ITPR3: variants seen among roughly 807,000 people sequenced by gnomAD.
The protein encoded by ITPR3 is inositol 1,4,5-trisphosphate receptor type 3.
ITPR3 carries 173 observed loss-of-function variants against 293.2 expected under a neutral mutation model. That is an observed-to-expected ratio of 0.59 (90% CI 0.52 to 0.67). ITPR3 has a LOEUF of 0.67. Among genes scored for constraint, ITPR3 ranks in the 30% least tolerant of loss-of-function variants. ITPR3 has a pLI of 0.00. For synonymous variants in ITPR3, 1,295 were observed against 1,444.4 expected (o/e 0.90, Z 2.35); for missense variants, 2,796 against 3,592.1 (o/e 0.78, Z 5.66).
intron 57 of ITPR3, 139 bp downstream of exon 57, chr6:33,695,224 C>T: frequency 1.1e-6 from 1 of 897,944 alleles, no homozygotes; most frequent in South Asian, 1.7e-5. Flanking sequence ...GTGCCAAACC[C>T]ACTCTCCCCT....
chr6:33,684,198 C>T lies in ITPR3; in HGVS notation c.4937+30C>T. On this transcript the variant is annotated intron_variant, in intron 36 of 57. Transcript: ENST00000605930. This position sits in a 1 kb window ranked among gnomAD's most constrained non-coding sequence, Gnocchi z 4.2. ...GCGAGACACTGGGGCATGGGGGCAG[C>T]AGGGGTGCAGCGGCAGGGGACAGAG... 6.2e-7 allele frequency: 1 copy of T among 1,605,812 alleles called. No homozygotes were observed. Among genetic ancestry groups the T allele is most frequent in the South Asian group, 1.1e-5 (1 of 90,776 alleles).
rs1764996628 is a variant in ITPR3, at chr6:33,679,104, C to T, written c.3972+265C>T. Among the ~76,000 whole-genome samples, 1 of 152,232 alleles carries T rather than the reference C, an allele frequency of 6.6e-6. No homozygotes were observed. The highest frequency in any genetic ancestry group is 1.5e-5 in the Non-Finnish European group (1 of 68,044). ...GACAACAGGCCAGAAAGAAATCAAG[C>T]ATGCATTCCTTGTCACTTGTCGTCG... On this transcript the variant is annotated intron_variant, in intron 30 of 57. Coordinates refer to ENST00000605930, the MANE Select transcript of ITPR3 (RefSeq NM_002224.4). The surrounding 1 kb of genome is among the most constrained non-coding windows in gnomAD (Gnocchi z 4.2).
Position 33,666,030 on chromosome 6 carries a change from T to A in ITPR3, c.1551+54T>A. 1 of 1,537,500 alleles carries A rather than the reference T, an allele frequency of 6.5e-7. No homozygotes were observed. Among genetic ancestry groups the A allele is most frequent in the Non-Finnish European group, 8.8e-7 (1 of 1,136,004 alleles). The stretch of plus-strand genomic sequence containing the variant: ...AGGGGCCGGGTGCCCGGGAGAGGGA[T>A]GCCTTCAACTGCAGGCTCATCCCCC... On this transcript the variant is annotated intron_variant, in intron 14 of 57. Transcript: ENST00000605930. This position sits in a 1 kb window ranked among gnomAD's most constrained non-coding sequence, Gnocchi z 5.1.
At chr6:33,637,776 C>G (rs548696181) in intron 1 of ITPR3, among the ~76,000 whole-genome samples, 3 of 150,882 alleles carry the variant, frequency 2.0e-5, no homozygotes, top group African/African-American at 7.3e-5. Context: ...TACAAGAGTG[C>G]GTGTGCCACC....
intron 2 of ITPR3, among the ~76,000 whole-genome samples, chr6:33,650,987 G>T (rs1340762394): frequency 6.6e-6 from 1 of 152,120 alleles, no homozygotes; most frequent in Non-Finnish European, 1.5e-5. Context: ...GAAAAGTCTG[G>T]TTTGAGTTGC....
chr6:33,693,764 CTGTGCACCAGAG>C, intron 56 of ITPR3, 59 bp downstream of exon 56: 1 of 1,583,272 alleles, frequency 6.3e-7, no homozygotes, highest in Non-Finnish European at 8.6e-7. Flanking sequence ...AGAGTCATCA[CTGTGCACCAGAG>C]GCCTCATGGT....
intron 23 of ITPR3, 92 bp from the exon 24 acceptor site, chr6:33,674,116 G>A: frequency 6.9e-7 from 1 of 1,457,732 alleles, no homozygotes; most frequent in Non-Finnish European, 9.5e-7. Context: ...TGCAGCCAGT[G>A]CAGGGAAGAG....
intron 1 of ITPR3, among the ~76,000 whole-genome samples, chr6:33,630,858 G>C (rs1763661694): frequency 6.6e-6 from 1 of 152,188 alleles, no homozygotes; most frequent in Non-Finnish European, 1.5e-5. Context: ...ATACTGTCTG[G>C]CCCCCCGTTG....
In ITPR3 at chr6:33,658,396, T is replaced by C. The variant is rs1488616295; in HGVS notation, c.370-274T>C. ...GTAATAGTACTTCCCTCTTGGATCG[T>C]TGTAGGTTACTTGAGCTAATCTATG... On this transcript the variant is annotated intron_variant, in intron 4 of 57. Transcript: ENST00000605930. The surrounding 1 kb of genome is among the most constrained non-coding windows in gnomAD (Gnocchi z 6.1). Among the ~76,000 whole-genome samples, 2 of 152,240 alleles carry C rather than the reference T, an allele frequency of 1.3e-5. No individual in the cohort carries two copies. Among genetic ancestry groups the C allele is most frequent in the Non-Finnish European group, 2.9e-5 (2 of 68,030 alleles).
chr6:33,691,660 C>T lies in ITPR3; in HGVS notation c.7271C>T (p.Thr2424Ile). 1 of 1,613,992 alleles carries T rather than the reference C, an allele frequency of 6.2e-7. No homozygotes were observed. The highest frequency in any genetic ancestry group is 8.5e-7 in the Non-Finnish European group (1 of 1,179,982). ...CATGGAGCTGCTGCATTTGTGGACA[C>T]CTGCAGTGGGGACAAGATGGACTGT... ...MPHGAAAFVD[T>I]CSGDKMDCVS... Residue 2424 changes from threonine to isoleucine, a missense_variant, in exon 53 of 58, where the codon ACC becomes ATC. This residue lies in a region of ITPR3 where 568 missense variants were observed against 796.1 expected (regional missense o/e 0.71). Transcript: ENST00000605930. The surrounding 1 kb of genome is among the most constrained non-coding windows in gnomAD (Gnocchi z 4.9).
At chr6:33,657,810 G>GGTGACT (rs1269717484) in intron 3 of ITPR3, 122 bp from the exon 4 acceptor site, 1 of 749,268 alleles carries the variant, frequency 1.3e-6, no homozygotes, top group Admixed American at 2.1e-5. Flanking sequence ...TGGAGTCCAG[G>GGTGACT]GTGACTGTGT....
In ITPR3 at chr6:33,632,669, C is replaced by T. The variant is rs1265702268; in HGVS notation, c.90-7815C>T. Among the ~76,000 whole-genome samples, 2 of 152,248 alleles carry T rather than the reference C, an allele frequency of 1.3e-5. No individual in the cohort carries two copies. Among genetic ancestry groups the T allele is most frequent in the African/African-American group, 2.4e-5 (1 of 41,464 alleles). On this transcript the variant is annotated intron_variant, in intron 1 of 57. Coordinates refer to ENST00000605930, the MANE Select transcript of ITPR3 (RefSeq NM_002224.4). The surrounding 1 kb of genome is among the most constrained non-coding windows in gnomAD (Gnocchi z 4.1). Reference sequence around the variant, plus strand: ...CTGCCCACAGGCCTCCAGCCAGGACCCTTTCCCTGTAGCCCCATCCTCCTG... The same window carrying T: ...CTGCCCACAGGCCTCCAGCCAGGACTCTTTCCCTGTAGCCCCATCCTCCTG...
At position 33,691,956 on chromosome 6, in the gene ITPR3, T is replaced by C. The variant is rs2127321930; in HGVS notation, c.7458+28T>C. 6.2e-7 allele frequency: 1 copy of C among 1,612,792 alleles called. No homozygotes were observed. The highest frequency in any genetic ancestry group is 2.2e-5 in the East Asian group (1 of 44,880). On this transcript the variant is annotated intron_variant, in intron 54 of 57. Coordinates refer to ENST00000605930, the MANE Select transcript of ITPR3 (RefSeq NM_002224.4). The surrounding 1 kb of genome is among the most constrained non-coding windows in gnomAD (Gnocchi z 4.9). ...GAGCACTCCTGCCCACTCCCAAACC[T>C]GTGGGGCCCAAGCCACTGTCCAGAT...
chr6:33,693,531 C>G lies in ITPR3; in HGVS notation c.7625-14C>G. 3.1e-6 allele frequency: 5 copies of G among 1,613,434 alleles called. No individual in the cohort carries two copies. The highest frequency in any genetic ancestry group is 2.5e-6 in the Non-Finnish European group (3 of 1,179,570). On this transcript the variant is annotated splice_polypyrimidine_tract_variant and intron_variant, in intron 55 of 57. Transcript: ENST00000605930. ...GAAGGCTGATGGTTTCATTCCCGCC[C>G]TCTGCACCCTCAGGTCTGGAGAGGG...
At chr6:33,639,354 G>A (rs923260897) in intron 1 of ITPR3, among the ~76,000 whole-genome samples, 2 of 149,202 alleles carry the variant, frequency 1.3e-5, no homozygotes, top group African/African-American at 5.0e-5. Flanking sequence ...ACTCCAGTCT[G>A]GTCGACAGAG....
chr6:33,673,451 G>A (rs1053773159), intron 22 of ITPR3, 140 bp from the exon 23 acceptor site: 27 of 1,058,422 alleles, frequency 2.6e-5, no homozygotes, highest in Non-Finnish European at 3.5e-5. Flanking sequence ...CCAAATGACT[G>A]TGCTGAGGAC....
At position 33,672,005 on chromosome 6, in the gene ITPR3, C is replaced by T. The variant is rs992362820; in HGVS notation, c.2729-24C>T. On this transcript the variant is annotated intron_variant, in intron 21 of 57. Coordinates refer to ENST00000605930, the MANE Select transcript of ITPR3 (RefSeq NM_002224.4). This position sits in a 1 kb window ranked among gnomAD's most constrained non-coding sequence, Gnocchi z 5.0. The stretch of plus-strand genomic sequence containing the variant: ...ACAGCCTCTACAACCTCCTTGGCAA[C>T]CTCCTCTGCTTCCCCCTCCACAGGC... The T allele has an allele frequency of 2.7e-5, 42 of 1,575,362 alleles. No homozygotes were observed. The highest frequency in any genetic ancestry group is 3.5e-5 in the Non-Finnish European group (41 of 1,159,584).
rs1763513585 is a variant in ITPR3 at position 33,624,677 on chromosome 6, A to G, written c.89+2986A>G. On this transcript the variant is annotated intron_variant, in intron 1 of 57. Transcript: ENST00000605930. The surrounding 1 kb of genome is among the most constrained non-coding windows in gnomAD (Gnocchi z 4.7). Reference sequence around the variant, plus strand: ...TGAACCCATAGGCTGATTTGACTGAATTCCTGGGCTAACCCAGTGCCCAGT... The same window carrying G: ...TGAACCCATAGGCTGATTTGACTGAGTTCCTGGGCTAACCCAGTGCCCAGT... Among the ~76,000 whole-genome samples the G allele has an allele frequency of 6.6e-6, 1 of 152,180 alleles. No homozygotes were observed. Among genetic ancestry groups the G allele is most frequent in the African/African-American group, 2.4e-5 (1 of 41,438 alleles).
chr6:33,657,765 A>C, intron 3 of ITPR3, among the ~76,000 whole-genome samples, 167 bp from the exon 4 acceptor site: 1 of 151,614 alleles, frequency 6.6e-6, no homozygotes, highest in Non-Finnish European at 1.5e-5. Context: ...CTCTGGGTGC[A>C]GCACCAAGAG....
Sources: gnomAD v4.1 joint callset for allele counts (sites outside exome capture counted in the v4.1 genomes callset) on GRCh38, gnomAD v4.1.1 for gene constraint, gnomAD v4.1.1 regional missense constraint, Gnocchi (gnomAD v3.1) non-coding constraint, MANE v1.5 for transcripts, NCBI Gene and HGNC (gene_info 2026-07-23, HGNC 2026-07-21) for gene names.